Variants in RNLS observed in about 807,000 individuals in gnomAD.
RNLS encodes the protein renalase.
A neutral mutation model predicts 39.8 loss-of-function variants in RNLS; 39 were observed. That is an observed-to-expected ratio of 0.98 (90% CI 0.76 to 1.28). RNLS has a LOEUF of 1.28. Among genes scored for constraint, RNLS ranks in the 50% most tolerant of loss-of-function variants. The pLI is 0.00. For synonymous variants in RNLS, 147 were observed against 150.7 expected, an observed-to-expected ratio of 0.98 and a Z score of 0.18; for missense variants, 410 against 413.3, an observed-to-expected ratio of 0.99 and a Z score of 0.07.
At chr10:88,353,692 T>C (rs973911379) in intron 5 of RNLS, among the ~76,000 whole-genome samples, 2 of 152,196 alleles carry the variant, frequency 1.3e-5, no homozygotes, top group African/African-American at 4.8e-5. Context: ...ATTCTGTTGA[T>C]TTGAGGTGGA....
chr10:88,256,074 G>A, the RNLS span, among the ~76,000 whole-genome samples: 1 of 152,136 alleles, frequency 6.6e-6, no homozygotes, highest in Admixed American at 6.5e-5. Context: ...AGCCCGTGGG[G>A]AATATTTTTA....
chr10:88,223,408 A>G, the RNLS span, among the ~76,000 whole-genome samples: 6,387 of 152,336 alleles, frequency 0.042, 206 homozygotes, highest in East Asian at 0.12. Flanking sequence ...TCTGAGAAGT[A>G]TACCTGGGCA....
chr10:88,361,358 T>A (rs1357389186), intron 5 of RNLS, among the ~76,000 whole-genome samples: 1 of 152,210 alleles, frequency 6.6e-6, no homozygotes, highest in Non-Finnish European at 1.5e-5. Context: ...AGTTTAAATT[T>A]TTTTTTCTGT....
intron 4 of RNLS, among the ~76,000 whole-genome samples, chr10:88,419,625 GA>G (rs1854261248): frequency 6.6e-6 from 1 of 151,858 alleles, no homozygotes; most frequent in African/African-American, 2.4e-5. Context: ...GTTGCCTTTT[GA>G]AAAAAAATTT....
chr10:88,252,053 T>C, the RNLS span, among the ~76,000 whole-genome samples: 1 of 152,336 alleles, frequency 6.6e-6, no homozygotes, highest in African/African-American at 2.4e-5. Context: ...TGGGAAGAGA[T>C]AAAGTTGCTG....
chr10:88,381,409 A>AAAT (rs147778701), intron 4 of RNLS, among the ~76,000 whole-genome samples: 49,981 of 151,634 alleles, frequency 0.33, 8,864 homozygotes, highest in African/African-American at 0.47. Context: ...AGTTTTTTAA[A>AAAT]AATACAATAT....
intron 4 of RNLS, among the ~76,000 whole-genome samples, chr10:88,451,891 C>T (rs528842280): frequency 6.6e-6 from 1 of 152,194 alleles, no homozygotes; most frequent in African/African-American, 2.4e-5. Flanking sequence ...GCAACTAGTA[C>T]AGTAGAAAGA....
chr10:88,321,479 C>CTA (rs1195934321), intron 5 of RNLS, among the ~76,000 whole-genome samples: 5 of 151,500 alleles, frequency 3.3e-5, no homozygotes, highest in African/African-American at 1.2e-4. Context: ...AAATTGTGAC[C>CTA]AACAAAATAT....
At chr10:88,498,021 C>A (rs1013966049) in intron 4 of RNLS, among the ~76,000 whole-genome samples, 11 of 151,432 alleles carry the variant, frequency 7.3e-5, no homozygotes, top group African/African-American at 1.2e-4. Flanking sequence ...TCAATGGATG[C>A]CAAAAACCAG....
chr10:88,383,040 C>T (rs905297003), intron 4 of RNLS, among the ~76,000 whole-genome samples: 11 of 152,060 alleles, frequency 7.2e-5, no homozygotes, highest in African/African-American at 1.7e-4. Context: ...TATTCATCAG[C>T]GGTGCTTTGT....
chr10:88,494,222 C>T (rs931804635), intron 4 of RNLS, among the ~76,000 whole-genome samples: 16 of 151,982 alleles, frequency 1.1e-4, no homozygotes, highest in South Asian at 4.2e-4. Context: ...GGAAGTTACA[C>T]GGAAAAATGT....
At chr10:88,422,321 G>A (rs143360262) in intron 4 of RNLS, among the ~76,000 whole-genome samples, 125 of 152,200 alleles carry the variant, frequency 8.2e-4, no homozygotes, top group African/African-American at 2.8e-3. Context: ...ATACGAATTC[G>A]AAGCCTGAAA....
chr10:88,481,623 A>G (rs1404018798), intron 4 of RNLS, among the ~76,000 whole-genome samples: 1 of 152,150 alleles, frequency 6.6e-6, no homozygotes, highest in Non-Finnish European at 1.5e-5. Context: ...TATTACTGTC[A>G]TATAAATTAC....
chr10:88,504,655 CAA>C (rs926942829), intron 4 of RNLS, among the ~76,000 whole-genome samples: 5 of 151,940 alleles, frequency 3.3e-5, no homozygotes, highest in African/African-American at 1.2e-4. Context: ...ATAATACAAA[CAA>C]AAATGATAAT....
the RNLS span, among the ~76,000 whole-genome samples, chr10:88,234,769 G>A: frequency 2.0e-5 from 3 of 152,168 alleles, no homozygotes; most frequent in Non-Finnish European, 4.4e-5. Flanking sequence ...AGTCGGTATT[G>A]TCAGAGGGGT....
chr10:88,359,142 G>A (rs916371364), intron 5 of RNLS, among the ~76,000 whole-genome samples: 3 of 151,980 alleles, frequency 2.0e-5, no homozygotes, highest in African/African-American at 2.4e-5. Flanking sequence ...GTGAAGCCCC[G>A]TCTCTACTAC....
intron 4 of RNLS, among the ~76,000 whole-genome samples, chr10:88,419,946 G>A (rs563568821): frequency 1.3e-5 from 2 of 151,940 alleles, no homozygotes; most frequent in East Asian, 1.9e-4. Context: ...GGAGGTGGAG[G>A]TTGTGATGAG....
intron 6 of RNLS, among the ~76,000 whole-genome samples, chr10:88,313,700 A>G (rs1845546219): frequency 6.6e-6 from 1 of 152,184 alleles, no homozygotes; most frequent in Non-Finnish European, 1.5e-5. Context: ...TCAGTTCGTC[A>G]ACAAGCTCAG....
At chr10:88,580,868 C>T (rs543635752) in intron 3 of RNLS, among the ~76,000 whole-genome samples, 1 of 152,246 alleles carries the variant, frequency 6.6e-6, no homozygotes, top group Non-Finnish European at 1.5e-5. Flanking sequence ...GAAACATTCT[C>T]ATCACTATTG....
Sources: gnomAD v4.1 joint callset for allele counts (sites outside exome capture counted in the v4.1 genomes callset) on GRCh38, gnomAD v4.1.1 for gene constraint, MANE v1.5 for transcripts, NCBI Gene and HGNC (gene_info 2026-07-23, HGNC 2026-07-21) for gene names.